Variants in SETBP1 observed in about 807,000 individuals in gnomAD.
The protein encoded by SETBP1 is SET-binding protein.
SETBP1 carries 9 observed loss-of-function variants against 101.0 expected under a neutral mutation model. The observed-to-expected ratio is 0.09, with a 90% confidence interval of 0.05 to 0.16. The LOEUF is 0.16. Ranked by LOEUF, SETBP1 falls within the 10% of genes least tolerant of loss-of-function variation. The pLI is 1.00. For missense variants in SETBP1, 1,858 were observed against 2,033.8 expected (o/e 0.91, Z 1.66); for synonymous variants, 818 against 788.5 (o/e 1.04, Z -0.63).
chr18:44,918,931 C>G (rs755749285), intron 3 of SETBP1, among the ~76,000 whole-genome samples: 2 of 152,172 alleles, frequency 1.3e-5, no homozygotes, highest in Non-Finnish European at 2.9e-5. Context: ...TTCCAGCAGA[C>G]TCTTCTCCTG....
At chr18:44,729,427 G>A (rs562189058) in intron 2 of SETBP1, among the ~76,000 whole-genome samples, 2 of 152,178 alleles carry the variant, frequency 1.3e-5, no homozygotes, top group Non-Finnish European at 2.9e-5. Context: ...GATATAAAAG[G>A]CATTAAGCAG....
At chr18:45,021,600 T>C (rs1215271640) in intron 4 of SETBP1, among the ~76,000 whole-genome samples, 1 of 152,186 alleles carries the variant, frequency 6.6e-6, no homozygotes, top group Non-Finnish European at 1.5e-5. Context: ...TGAAGTCCTT[T>C]AAAACTATGT....
At chr18:44,941,029 G>A (rs1371410396) in intron 3 of SETBP1, among the ~76,000 whole-genome samples, 1 of 145,950 alleles carries the variant, frequency 6.9e-6, no homozygotes, top group Non-Finnish European at 1.5e-5. Context: ...CTTTAAAGAT[G>A]TTGGCTCATT....
chr18:44,860,722 G>A (rs140101112), intron 2 of SETBP1, among the ~76,000 whole-genome samples: 2,145 of 151,692 alleles, frequency 0.014, 24 homozygotes, highest in Middle Eastern at 0.037. Context: ...ACTCCAGCCT[G>A]GGTGACAAGA....
At chr18:44,729,796 A>G (rs113084665) in intron 2 of SETBP1, among the ~76,000 whole-genome samples, 103 of 152,344 alleles carry the variant, frequency 6.8e-4, no homozygotes, top group African/African-American at 2.4e-3. Context: ...AAGCAGAGGC[A>G]GAAAAAAAAA....
chr18:44,796,160 A>G (rs2071472005), intron 2 of SETBP1, among the ~76,000 whole-genome samples: 1 of 152,202 alleles, frequency 6.6e-6, no homozygotes, highest in African/African-American at 2.4e-5. Context: ...TTCTCTTTCC[A>G]CAGATTTTTC....
At position 44,983,858 on chromosome 18, in the gene SETBP1, G is replaced by T. The variant is rs150707833; in HGVS notation, c.4000+30518G>T. On this transcript the variant is annotated intron_variant, in intron 4 of 5. Transcript: ENST00000649279. Reference sequence around the variant, plus strand: ...TTTTCTCAACTTCAATTTTGCATTTGTCAAAAGATTGTTGTTCCTGACCTG... The same window carrying T: ...TTTTCTCAACTTCAATTTTGCATTTTTCAAAAGATTGTTGTTCCTGACCTG... Among the ~76,000 whole-genome samples the T allele has an allele frequency of 4.2e-3, 646 of 152,260 alleles. 7 individuals are homozygous for T. The highest frequency in any genetic ancestry group is 0.015 in the African/African-American group (623 of 41,530).
At chr18:44,861,140 C>T (rs1262041881) in intron 2 of SETBP1, among the ~76,000 whole-genome samples, 1 of 152,080 alleles carries the variant, frequency 6.6e-6, no homozygotes, top group Non-Finnish European at 1.5e-5. Flanking sequence ...TCTCACTCAC[C>T]TCACAATCCC....
intron 2 of SETBP1, among the ~76,000 whole-genome samples, chr18:44,757,110 C>T (rs1267172776): frequency 6.6e-6 from 1 of 152,004 alleles, no homozygotes; most frequent in Non-Finnish European, 1.5e-5. Flanking sequence ...AGATAAGATA[C>T]AGTTGTTAGG....
chr18:44,712,154 T>C lies in SETBP1; in HGVS notation c.486+10322T>C, dbSNP rs115607454. ...AAATGCAGGTTGCTTTGGTGTGTTTTCTAGACCTTGTTTATTGTGGTTCCC... is the reference window on the plus strand; with the variant it reads ...AAATGCAGGTTGCTTTGGTGTGTTTCCTAGACCTTGTTTATTGTGGTTCCC... On this transcript the variant is annotated intron_variant, in intron 2 of 5. Coordinates refer to ENST00000649279, the MANE Select transcript of SETBP1 (RefSeq NM_015559.3). Among the ~76,000 whole-genome samples the C allele has an allele frequency of 9.6e-3, 1,462 of 152,298 alleles. 28 individuals carry two copies. The highest frequency in any genetic ancestry group is 0.034 in the African/African-American group (1,413 of 41,548).
chr18:44,906,081 C>T (rs1236223122), intron 3 of SETBP1, among the ~76,000 whole-genome samples: 2 of 152,152 alleles, frequency 1.3e-5, no homozygotes, highest in Admixed American at 6.5e-5. Flanking sequence ...CATGATAAAA[C>T]TCCTCAGTCC....
At chr18:45,048,743 C>T (rs911081897) in intron 5 of SETBP1, among the ~76,000 whole-genome samples, 24 of 151,468 alleles carry the variant, frequency 1.6e-4, no homozygotes, top group African/African-American at 4.4e-4. Flanking sequence ...GAGGCCGAGG[C>T]GGGTGGATCA....
intron 2 of SETBP1, among the ~76,000 whole-genome samples, chr18:44,811,350 C>T (rs1166924838): frequency 6.6e-6 from 1 of 152,254 alleles, no homozygotes; most frequent in Non-Finnish European, 1.5e-5. Context: ...CATGTGCTTG[C>T]TCACACCTGT....
At chr18:44,992,968 A>C (rs773288735) in intron 4 of SETBP1, among the ~76,000 whole-genome samples, 2 of 152,106 alleles carry the variant, frequency 1.3e-5, no homozygotes, top group African/African-American at 2.4e-5. Flanking sequence ...CATTTCAACT[A>C]TGATTTACCT....
At chr18:44,785,211 A>G (rs746609257) in intron 2 of SETBP1, among the ~76,000 whole-genome samples, 16 of 152,216 alleles carry the variant, frequency 1.1e-4, no homozygotes, top group Non-Finnish European at 1.9e-4. Context: ...GGCCAGTTAG[A>G]TTCTTGGTCA....
chr18:44,741,235 GAGGAGAT>G (rs1222068621), intron 2 of SETBP1, among the ~76,000 whole-genome samples: 1 of 152,188 alleles, frequency 6.6e-6, no homozygotes, highest in Non-Finnish European at 1.5e-5. Context: ...ATGGTCCAGA[GAGGAGAT>G]AGGCATTAAA....
chr18:44,716,547 G>A (rs1406076193), intron 2 of SETBP1, among the ~76,000 whole-genome samples: 1 of 152,026 alleles, frequency 6.6e-6, no homozygotes, highest in Non-Finnish European at 1.5e-5. Context: ...CAGAAGCATA[G>A]GTGAGTCATT....
intron 2 of SETBP1, among the ~76,000 whole-genome samples, chr18:44,730,762 G>A (rs901806432): frequency 1.3e-5 from 2 of 152,158 alleles, no homozygotes; most frequent in Admixed American, 6.5e-5. Flanking sequence ...AGCTTAAATG[G>A]TATCAGGGTT....
intron 2 of SETBP1, among the ~76,000 whole-genome samples, chr18:44,813,853 A>G (rs2071914578): frequency 6.6e-6 from 1 of 152,160 alleles, no homozygotes; most frequent in African/African-American, 2.4e-5. Flanking sequence ...GGACATGGGA[A>G]CACTGATGGG....
Sources: allele counts gnomAD v4.1 joint callset (sites outside exome capture counted in the v4.1 genomes callset), GRCh38; gene constraint gnomAD v4.1.1; transcripts MANE v1.5; gene names NCBI Gene and HGNC (gene_info 2026-07-23, HGNC 2026-07-21).